Variants in PDE1C observed in about 807,000 individuals in gnomAD.
PDE1C encodes the protein dual specificity calcium/calmodulin-dependent 3',5'-cyclic nucleotide phosphodiesterase 1C.
Under a neutral mutation model 93.1 loss-of-function variants are expected in PDE1C, and 62 were observed. The observed-to-expected ratio is 0.67, with a 90% confidence interval of 0.54 to 0.82. The LOEUF is 0.82. Ranked by LOEUF, PDE1C falls within the 40% of genes least tolerant of loss-of-function variation. The pLI, the probability that PDE1C is intolerant of heterozygous loss-of-function variation, is 0.00. For missense variants in PDE1C, 742 were observed against 884.6 expected (o/e 0.84, Z 2.04); for synonymous variants, 325 against 310.1 (o/e 1.05, Z -0.50).
intron 3 of PDE1C, among the ~76,000 whole-genome samples, chr7:32,154,030 G>A (rs942348607): frequency 2.6e-5 from 4 of 152,222 alleles, no homozygotes; most frequent in Non-Finnish European, 5.9e-5. Context: ...AGTGCAGGTG[G>A]ATTGCTTGAG....
intron 3 of PDE1C, among the ~76,000 whole-genome samples, chr7:32,080,328 A>G (rs1466303895): frequency 1.3e-5 from 2 of 152,110 alleles, no homozygotes; most frequent in Non-Finnish European, 2.9e-5. Flanking sequence ...CTAACATACC[A>G]ATTGACCAAT....
chr7:32,062,737 G>A (rs957392306), intron 1 of PDE1C, among the ~76,000 whole-genome samples: 3 of 152,262 alleles, frequency 2.0e-5, no homozygotes, highest in African/African-American at 7.2e-5. Flanking sequence ...CATCCCCCGA[G>A]GGAGGGAGCC....
chr7:32,069,909 T>C (rs1208233260), intron 1 of PDE1C, among the ~76,000 whole-genome samples: 1 of 152,166 alleles, frequency 6.6e-6, no homozygotes, highest in Non-Finnish European at 1.5e-5. Flanking sequence ...TGCCCAAGTG[T>C]ATGCAAGCAG....
the PDE1C span, among the ~76,000 whole-genome samples, chr7:31,699,994 G>A: frequency 6.6e-6 from 1 of 151,986 alleles, no homozygotes; most frequent in Non-Finnish European, 1.5e-5. Context: ...TATTCCACGA[G>A]ACACAAAGAT....
At chr7:32,221,375 A>G (rs972908810) in intron 1 of PDE1C, among the ~76,000 whole-genome samples, 1 of 152,120 alleles carries the variant, frequency 6.6e-6, no homozygotes, top group Non-Finnish European at 1.5e-5. Flanking sequence ...CCTAGGAGCC[A>G]TTTTCAGCAT....
At chr7:32,179,427 A>G (rs1253660054) in intron 2 of PDE1C, among the ~76,000 whole-genome samples, 1 of 151,838 alleles carries the variant, frequency 6.6e-6, no homozygotes, top group African/African-American at 2.4e-5. Flanking sequence ...TGCCCAGCTA[A>G]TTTTTGTATT....
chr7:31,820,551 G>A (rs753966496), intron 14 of PDE1C: 7 of 151,952 alleles, frequency 4.6e-5, no homozygotes, highest in Non-Finnish European at 7.4e-5. Flanking sequence ...AAATCAGGTT[G>A]GTTAACAAAA....
chr7:32,090,265 C>A (rs578247188), intron 3 of PDE1C, among the ~76,000 whole-genome samples: 21 of 152,196 alleles, frequency 1.4e-4, no homozygotes, highest in Non-Finnish European at 2.9e-4. Context: ...TAGAATTATG[C>A]TGAGTGCCTA....
the PDE1C span, among the ~76,000 whole-genome samples, chr7:31,670,831 T>C: frequency 6.6e-6 from 1 of 152,114 alleles, no homozygotes; most frequent in Non-Finnish European, 1.5e-5. Context: ...TCCCATCCTG[T>C]GCCCATAAAA....
intron 2 of PDE1C, among the ~76,000 whole-genome samples, chr7:32,021,532 T>C (rs936129435): frequency 1.3e-5 from 2 of 152,144 alleles, no homozygotes; most frequent in Non-Finnish European, 2.9e-5. Context: ...CAAAATTAGA[T>C]ACCCACACAG....
At chr7:31,760,916 G>A (rs1794794729) in intron 17 of PDE1C, among the ~76,000 whole-genome samples, 1 of 152,036 alleles carries the variant, frequency 6.6e-6, no homozygotes, top group African/African-American at 2.4e-5. Context: ...ATCTGTTTGT[G>A]GTAGAAAGCC....
chr7:31,623,899 A>G, the PDE1C span, among the ~76,000 whole-genome samples: 17,283 of 151,638 alleles, frequency 0.11, 1,142 homozygotes, highest in Non-Finnish European at 0.15. Flanking sequence ...AATCTCCTTA[A>G]GCTGATAAGC....
intron 2 of PDE1C, chr7:32,209,475 C>T (rs1328895773): frequency 5.1e-6 from 8 of 1,567,002 alleles, no homozygotes; most frequent in Middle Eastern, 1.7e-4. Context: ...AGGAGTGAAA[C>T]AAGATTTACT....
At chr7:31,816,485 G>A (rs1199441559) in intron 14 of PDE1C, among the ~76,000 whole-genome samples, 2 of 152,056 alleles carry the variant, frequency 1.3e-5, no homozygotes, top group Admixed American at 1.3e-4. Flanking sequence ...ATTATGCTGA[G>A]TGTTTTTTGG....
chr7:32,031,186 C>T (rs1411089369), intron 2 of PDE1C, among the ~76,000 whole-genome samples: 1 of 152,130 alleles, frequency 6.6e-6, no homozygotes, highest in Non-Finnish European at 1.5e-5. Flanking sequence ...AACATCCTAC[C>T]AGTTCCCTCA....
intron 1 of PDE1C, among the ~76,000 whole-genome samples, chr7:32,280,028 T>A (rs1811526258): frequency 6.6e-6 from 1 of 152,224 alleles, no homozygotes; most frequent in Non-Finnish European, 1.5e-5. Flanking sequence ...ATTGTGAATG[T>A]GTGTGTTCAT....
the PDE1C span, among the ~76,000 whole-genome samples, chr7:31,703,953 G>T: frequency 6.6e-6 from 1 of 152,180 alleles, no homozygotes; most frequent in Non-Finnish European, 1.5e-5. Flanking sequence ...GGCCCTCATC[G>T]CAGTGACTGC....
intron 2 of PDE1C, among the ~76,000 whole-genome samples, chr7:32,000,405 AAAG>A (rs1269439089): frequency 1.3e-5 from 2 of 152,164 alleles, no homozygotes; most frequent in Non-Finnish European, 2.9e-5. Flanking sequence ...GAAGGTTTGG[AAAG>A]AAGAACAGGA....
At chr7:32,166,909 TC>T (rs1802319001) in intron 3 of PDE1C, among the ~76,000 whole-genome samples, 1 of 152,176 alleles carries the variant, frequency 6.6e-6, no homozygotes, top group Non-Finnish European at 1.5e-5. Flanking sequence ...CCCAAGCTAC[TC>T]CTTGCTGCTG....
Sources: allele counts gnomAD v4.1 joint callset (sites outside exome capture counted in the v4.1 genomes callset), GRCh38; gene constraint gnomAD v4.1.1; transcripts MANE v1.5; gene names NCBI Gene and HGNC (gene_info 2026-07-23, HGNC 2026-07-21).